Variants in HELZ observed in about 807,000 individuals in gnomAD.
HELZ encodes the protein ATP-dependent RNA helicase with zinc finger domain.
Under a neutral mutation model 218.2 loss-of-function variants are expected in HELZ, and 23 were observed. That is an observed-to-expected ratio of 0.11 (90% CI 0.08 to 0.15). HELZ has a LOEUF of 0.15. HELZ is among the 10% of genes least tolerant of loss of function. The probability of loss-of-function intolerance (pLI) is 1.00; values close to 1 mark genes in which losing one functional copy is unlikely to be tolerated. For missense variants in HELZ, 1,813 were observed against 2,353.7 expected, an observed-to-expected ratio of 0.77 and a Z score of 4.75; for synonymous variants, 814 against 829.4, an observed-to-expected ratio of 0.98 and a Z score of 0.32.
chr17:67,192,221 ATAAT>A (rs1417104571), intron 9 of HELZ, among the ~76,000 whole-genome samples: 1 of 152,090 alleles, frequency 6.6e-6, no homozygotes, highest in Non-Finnish European at 1.5e-5. Context: ...AAAAAAATAC[ATAAT>A]TAAATGTAAA....
At chr17:67,107,723 G>C (rs1227846101) in intron 30 of HELZ, 38 bp from the exon 31 acceptor site, 1 of 1,558,594 alleles carries the variant, frequency 6.4e-7, no homozygotes, top group South Asian at 1.2e-5. Context: ...GAAAACAAAA[G>C]GCTCCATCAC....
chr17:67,234,791 C>T lies in HELZ; in HGVS notation c.-19+4642G>A, dbSNP rs1379293859. 2.6e-5 allele frequency among the ~76,000 whole-genome samples: 4 copies of T among 152,222 alleles called. No individual in the cohort carries two copies. The East Asian group carries it at 5.8e-4, about 22-fold the overall frequency. ...TTTATGTATCCTAGGACCCAGGAAACTTGGATATGCAATTTCCTGACACCC... is the reference window on the plus strand; with the variant it reads ...TTTATGTATCCTAGGACCCAGGAAATTTGGATATGCAATTTCCTGACACCC... On this transcript the variant is annotated intron_variant, in intron 3 of 32. Transcript: ENST00000358691.
At chr17:67,198,025 A>G (rs963110297) in intron 7 of HELZ, among the ~76,000 whole-genome samples, 6 of 152,234 alleles carry the variant, frequency 3.9e-5, no homozygotes, top group Non-Finnish European at 5.9e-5. Flanking sequence ...AGCAAGGTCT[A>G]TGTGCCACTG....
At chr17:67,142,749 ATTTATTTAT>A (rs1382023706) in intron 21 of HELZ, among the ~76,000 whole-genome samples, 3 of 151,706 alleles carry the variant, frequency 2.0e-5, no homozygotes, top group African/African-American at 4.8e-5. Context: ...AGGGATATTT[ATTTATTTAT>A]TTTATTTTAT....
intron 4 of HELZ, among the ~76,000 whole-genome samples, chr17:67,218,006 C>G (rs2040649767): frequency 6.6e-6 from 1 of 151,526 alleles, no homozygotes; most frequent in South Asian, 2.1e-4. Context: ...GCAACCTCGG[C>G]TCCCTGCAAC....
intron 7 of HELZ, among the ~76,000 whole-genome samples, chr17:67,196,703 G>A (rs2040041853): frequency 6.6e-6 from 1 of 151,996 alleles, no homozygotes; most frequent in Admixed American, 6.6e-5. Context: ...ATTCACCTAA[G>A]CACTTTAAAT....
At chr17:67,080,268 G>C (rs926254074) in intron 32 of HELZ, among the ~76,000 whole-genome samples, 1 of 151,814 alleles carries the variant, frequency 6.6e-6, no homozygotes, top group African/African-American at 2.4e-5. Context: ...AAATTCTTTT[G>C]TGCATTGAAA....
intron 21 of HELZ, 49 bp from the exon 22 acceptor site, chr17:67,138,163 G>A (rs1447524305): frequency 7.1e-7 from 1 of 1,415,600 alleles, no homozygotes; most frequent in South Asian, 1.7e-5. Context: ...ACCAATGTTT[G>A]GAGAAAATAA....
chr17:67,162,280 C>G (rs913362752), intron 15 of HELZ, among the ~76,000 whole-genome samples: 2 of 152,092 alleles, frequency 1.3e-5, no homozygotes, highest in African/African-American at 4.8e-5. Flanking sequence ...TATATTATGA[C>G]ATATAATCTC....
intron 13 of HELZ, among the ~76,000 whole-genome samples, chr17:67,169,246 T>C (rs1283677162): frequency 6.6e-6 from 1 of 152,210 alleles, no homozygotes; most frequent in Non-Finnish European, 1.5e-5. Context: ...AGGTTTGTCT[T>C]AGTCTGTTTT....
At position 67,167,445 on chromosome 17, in the gene HELZ, T is replaced by C. The variant is rs1214584964; in HGVS notation, c.1764+18A>G. ...AGGCTACAGACCACTATGGTTAAGC[T>C]GCAACCTTCAAACATACCTGTGTGT... On this transcript the variant is annotated intron_variant, in intron 14 of 32. Coordinates refer to ENST00000358691, the MANE Select transcript of HELZ (RefSeq NM_014877.4). 2.5e-6 allele frequency: 4 copies of C among 1,571,504 alleles called. No homozygotes were observed. Among genetic ancestry groups the C allele is most frequent in the Admixed American group, 3.4e-5 (2 of 59,464 alleles).
chr17:67,231,646 C>T (rs899316927), intron 3 of HELZ, among the ~76,000 whole-genome samples: 4 of 150,044 alleles, frequency 2.7e-5, no homozygotes, highest in East Asian at 1.9e-4. Context: ...ATTTGACAAA[C>T]GTGCCGTGGA....
At position 67,105,128 on chromosome 17, in the gene HELZ, G is replaced by A. The variant is rs183340380; in HGVS notation, c.5241+2041C>T. ...AGCCTGGGCGACTGAGTGCGACTCC[G>A]TGTCAAAAAACAAACAAACAACACT... On this transcript the variant is annotated intron_variant, in intron 31 of 32. Transcript: ENST00000358691. Among the ~76,000 whole-genome samples, 37 of 152,202 alleles carry A rather than the reference G, an allele frequency of 2.4e-4. No homozygotes were observed. In the East Asian group the frequency reaches 3.3e-3, roughly 14 times the overall value.
At chr17:67,139,369 G>A (rs1025938335) in intron 21 of HELZ, among the ~76,000 whole-genome samples, 1 of 152,088 alleles carries the variant, frequency 6.6e-6, no homozygotes, top group African/African-American at 2.4e-5. Context: ...ACTGCAATAA[G>A]GAATAAGAAA....
chr17:67,121,717 A>T (rs1047443831), intron 26 of HELZ, among the ~76,000 whole-genome samples: 1 of 152,248 alleles, frequency 6.6e-6, no homozygotes. Context: ...AATATTCAAA[A>T]ATTCTAAAGA....
intron 15 of HELZ, among the ~76,000 whole-genome samples, chr17:67,163,723 A>G (rs993622680): frequency 6.6e-6 from 1 of 151,814 alleles, no homozygotes; most frequent in African/African-American, 2.4e-5. Flanking sequence ...TTATGTATAG[A>G]GATGGGGTCT....
At chr17:67,103,001 A>G (rs530063664) in intron 31 of HELZ, among the ~76,000 whole-genome samples, 1 of 152,230 alleles carries the variant, frequency 6.6e-6, no homozygotes, top group Non-Finnish European at 1.5e-5. Context: ...AGATTATTCA[A>G]TATGAAGTAT....
At chr17:67,114,283 G>A (rs968271378) in intron 28 of HELZ, 41 bp downstream of exon 28, 4 of 1,294,752 alleles carry the variant, frequency 3.1e-6, no homozygotes, top group Non-Finnish European at 4.5e-6. Flanking sequence ...TGACCAATCA[G>A]ACTAAATCCA....
Position 67,177,135 on chromosome 17 carries a change from T to C in HELZ, c.1430+1524A>G, listed in dbSNP as rs575887003. On this transcript the variant is annotated intron_variant, in intron 13 of 32. Coordinates refer to ENST00000358691, the MANE Select transcript of HELZ (RefSeq NM_014877.4). The stretch of plus-strand genomic sequence containing the variant: ...TCATGCCTGATTATTTAACTTTTTG[T>C]AGAGATGAGGTCTCACTATGTTGCC... Among the ~76,000 whole-genome samples the C allele has an allele frequency of 1.4e-4, 21 of 152,204 alleles. No homozygotes were observed. In the East Asian group the frequency reaches 3.9e-3, roughly 28 times the overall value.
Sources: gnomAD v4.1 joint callset for allele counts (sites outside exome capture counted in the v4.1 genomes callset) on GRCh38, gnomAD v4.1.1 for gene constraint, MANE v1.5 for transcripts, NCBI Gene and HGNC (gene_info 2026-07-23, HGNC 2026-07-21) for gene names.